The following IQANK1 variants were observed in gnomAD, a reference collection of about 807,000 sequenced individuals.
The protein encoded by IQANK1 is IQ motif and ankyrin repeat containing 1, also known as IQ motif and ankyrin repeat domain-containing protein 1.
In IQANK1, 30 loss-of-function variants were observed where a neutral mutation model predicts 22.6. The ratio of observed to expected loss-of-function variants is 1.33; its 90% confidence interval spans 0.99 to 1.80. The LOEUF is 1.80. IQANK1 is among the 40% of genes most tolerant of loss of function. The pLI, the probability that IQANK1 is intolerant of heterozygous loss-of-function variation, is 0.00. For synonymous variants in IQANK1, 122 were observed against 99.6 expected (o/e 1.23, Z -1.34); for missense variants, 275 against 235.2 (o/e 1.17, Z -1.11).
intron 3 of IQANK1, among the ~76,000 whole-genome samples, chr8:143,765,563 C>T (rs542851572): frequency 2.6e-5 from 4 of 152,304 alleles, no homozygotes; most frequent in Admixed American, 2.0e-4. Flanking sequence ...CATCTCTCTG[C>T]CCATTGCTCT....
At chr8:143,740,340 GT>G (rs1204621535) in intron 3 of IQANK1, among the ~76,000 whole-genome samples, 2 of 152,122 alleles carry the variant, frequency 1.3e-5, no homozygotes, top group Non-Finnish European at 2.9e-5. Context: ...GGCCCTGCGC[GT>G]CGCCTTGGGC....
chr8:143,787,385 C>T (rs1234658525), intron 7 of IQANK1, among the ~76,000 whole-genome samples: 2 of 152,222 alleles, frequency 1.3e-5, no homozygotes, highest in Admixed American at 6.5e-5. Context: ...TCTGCATGTC[C>T]CTGGCCCCCC....
At chr8:143,753,015 T>G (rs908280337) in intron 3 of IQANK1, among the ~76,000 whole-genome samples, 24 of 143,590 alleles carry the variant, frequency 1.7e-4, no homozygotes, top group African/African-American at 5.7e-4. Flanking sequence ...TTTTTTTTTT[T>G]TTTTTTGAGA....
chr8:143,750,557 T>C (rs1554627912), intron 3 of IQANK1, among the ~76,000 whole-genome samples: 2 of 152,136 alleles, frequency 1.3e-5, no homozygotes, highest in African/African-American at 4.8e-5. Context: ...AAGGAGAGAC[T>C]GGGCACAGTG....
chr8:143,751,664 G>GTA (rs71318622), intron 3 of IQANK1, among the ~76,000 whole-genome samples: 1,440 of 61,566 alleles, frequency 0.023, 80 homozygotes, highest in Non-Finnish European at 0.041. Flanking sequence ...GTGTGTGTGT[G>GTA]TATATATATA....
At chr8:143,752,043 G>A (rs147797560) in intron 3 of IQANK1, among the ~76,000 whole-genome samples, 4,187 of 151,978 alleles carry the variant, frequency 0.028, 185 homozygotes, top group African/African-American at 0.087. Flanking sequence ...TTGGCTCACC[G>A]CAACCTCTGC....
At chr8:143,760,745 A>T (rs1563773842) in intron 3 of IQANK1, among the ~76,000 whole-genome samples, 1 of 152,084 alleles carries the variant, frequency 6.6e-6, no homozygotes, top group East Asian at 1.9e-4. Context: ...TTATAAGTTT[A>T]AAGTAACAAG....
chr8:143,749,209 A>G (rs1486106825), intron 3 of IQANK1, among the ~76,000 whole-genome samples: 1 of 122,154 alleles, frequency 8.2e-6, no homozygotes, highest in African/African-American at 3.5e-5. Context: ...TAAATATATC[A>G]TATATATCAT....
Position 143,765,724 on chromosome 8 carries a change from G to A in IQANK1, c.176-5764G>A, listed in dbSNP as rs984791417. On this transcript the variant is annotated intron_variant, in intron 3 of 13. Transcript: ENST00000527139. The stretch of plus-strand genomic sequence containing the variant: ...TTTTACATTTTGACATGCTTTAGTC[G>A]TCTTTTCCTTTGTGGTATATAAAGT... Among the ~76,000 whole-genome samples, 5 of 152,140 alleles carry A rather than the reference G, an allele frequency of 3.3e-5. No homozygotes were observed. In the East Asian group the frequency reaches 5.8e-4, roughly 18 times the overall value.
chr8:143,739,878 C>T lies in IQANK1; in HGVS notation c.105C>T (p.Arg35=). The T allele has an allele frequency of 1.4e-6, 1 of 695,704 alleles. No individual in the cohort carries two copies. The highest frequency in any genetic ancestry group is 2.6e-6 in the Non-Finnish European group (1 of 382,040). 43.1% of individuals were successfully genotyped at this position (695,704 alleles called of 1,614,324 possible). A position where few individuals can be genotyped will look rare whatever the true frequency, so the allele number is the denominator to read the frequency against. The change falls in exon 3 of 14, where the codon CGC becomes CGT. Residue 35 remains arginine (R), a synonymous_variant. Transcript: ENST00000527139. The part of the protein sequence containing the change: ...RAAAGKPGEN[R]PPQRKAGWQA... The stretch of plus-strand genomic sequence containing the variant: ...CCTTAGGGAAGCCCGGGGAGAACCG[C>T]CCGCCGCAGAGGAAAGCGGGCTGGC...
At chr8:143,783,918 T>G (rs1235010344) in intron 7 of IQANK1, among the ~76,000 whole-genome samples, 1 of 152,260 alleles carries the variant, frequency 6.6e-6, no homozygotes, top group South Asian at 2.1e-4. Flanking sequence ...ATCGCTGTTC[T>G]GTTCCATAGG....
intron 3 of IQANK1, chr8:143,760,556 G>T (rs1235574559): frequency 2.6e-5 from 4 of 151,886 alleles, no homozygotes; most frequent in Non-Finnish European, 5.9e-5. Flanking sequence ...AATGGCAGGT[G>T]CCTGTAGTCC....
chr8:143,774,125 T>C lies in IQANK1; in HGVS notation c.789+1643T>C, dbSNP rs182351406. Among the ~76,000 whole-genome samples the C allele has an allele frequency of 2.0e-5, 3 of 151,898 alleles. No individual in the cohort carries two copies. The highest frequency in any genetic ancestry group is 4.4e-5 in the Non-Finnish European group (3 of 67,956). On this transcript the variant is annotated intron_variant, in intron 7 of 13. Transcript: ENST00000527139. The surrounding 1 kb of genome is among the most constrained non-coding windows in gnomAD (Gnocchi z 4.2). ...TTTAGAACACATAGGAGAAAAATCT[T>C]TGGGGCCTAGGACTTGGAGGGATTC... is the stretch of plus-strand genomic sequence containing the variant.
chr8:143,752,996 G>GTTTTTTTTTTTT (rs34993930), intron 3 of IQANK1, among the ~76,000 whole-genome samples: 4 of 69,904 alleles, frequency 5.7e-5, no homozygotes, highest in African/African-American at 1.9e-4. Flanking sequence ...CTCTCTGTTC[G>GTTTTTTTTTTTT]TTTTTTTTTT....
rs144430694 is a variant in IQANK1, at chr8:143,766,585, C to T, written c.176-4903C>T. The stretch of plus-strand genomic sequence containing the variant: ...ACCTGGGAGGCTGAGGCAGGAGAAT[C>T]GCTTGAACCCGGGAGGTGGAGGTTG... On this transcript the variant is annotated intron_variant, in intron 3 of 13. Transcript: ENST00000527139. Among the ~76,000 whole-genome samples, 760 of 152,066 alleles carry T rather than the reference C, an allele frequency of 5.0e-3. 8 individuals are homozygous for T. Among genetic ancestry groups the T allele is most frequent in the African/African-American group, 0.017 (706 of 41,458 alleles).
chr8:143,742,271 C>T, intron 3 of IQANK1: 1 of 420,686 alleles, frequency 2.4e-6, no homozygotes, highest in Middle Eastern at 3.5e-4. Flanking sequence ...GTGACTCTTC[C>T]CACCCACAGG....
At chr8:143,781,886 G>A (rs1033070722) in intron 7 of IQANK1, among the ~76,000 whole-genome samples, 19 of 152,088 alleles carry the variant, frequency 1.2e-4, no homozygotes, top group African/African-American at 1.9e-4. Flanking sequence ...GAATAGCGTC[G>A]AATCTGTAAA....
At chr8:143,788,800 G>A (rs1255260217) in intron 7 of IQANK1, 115 bp from the exon 8 acceptor site, 1 of 397,752 alleles carries the variant, frequency 2.5e-6, no homozygotes, top group Non-Finnish European at 4.4e-6. Context: ...TGAGCACTGA[G>A]GCCCTTTCTG....
At chr8:143,749,415 AAT>A (rs1469904415) in intron 3 of IQANK1, among the ~76,000 whole-genome samples, 1 of 130,352 alleles carries the variant, frequency 7.7e-6, no homozygotes, top group Non-Finnish European at 1.5e-5. Flanking sequence ...TATCATATAT[AAT>A]ATATACATAT....
Sources: gnomAD v4.1 joint callset for allele counts (sites outside exome capture counted in the v4.1 genomes callset) on GRCh38, gnomAD v4.1.1 for gene constraint, Gnocchi (gnomAD v3.1) non-coding constraint, MANE v1.5 for transcripts, NCBI Gene and HGNC (gene_info 2026-07-23, HGNC 2026-07-21) for gene names.